Variants in IGF2BP3 observed in about 807,000 individuals in gnomAD.
The protein encoded by IGF2BP3 is insulin-like growth factor 2 mRNA-binding protein 3.
A neutral mutation model predicts 73.8 loss-of-function variants in IGF2BP3; 9 were observed. That is an observed-to-expected ratio of 0.12 (90% CI 0.07 to 0.21). The LOEUF (loss-of-function observed/expected upper bound fraction) is 0.21. Ranked by LOEUF, IGF2BP3 falls within the 10% of genes least tolerant of loss-of-function variation. IGF2BP3 has a pLI of 1.00. For missense variants in IGF2BP3, 542 were observed against 714.0 expected (o/e 0.76, Z 2.75); for synonymous variants, 258 against 256.7 (o/e 1.01, Z -0.05).
intron 12 of IGF2BP3, among the ~76,000 whole-genome samples, chr7:23,317,308 G>T (rs1268150323): frequency 1.3e-5 from 2 of 152,236 alleles, no homozygotes; most frequent in South Asian, 4.1e-4. Context: ...CTCAGGGACA[G>T]GAGGGAAAAC....
At chr7:23,319,798 T>C (rs1259470736) in intron 10 of IGF2BP3, among the ~76,000 whole-genome samples, 1 of 152,204 alleles carries the variant, frequency 6.6e-6, no homozygotes, top group East Asian at 1.9e-4. Flanking sequence ...TGTCATTCAA[T>C]AGTTATCACA....
intron 2 of IGF2BP3, among the ~76,000 whole-genome samples, chr7:23,433,652 T>TA (rs1056860548): frequency 2.0e-5 from 3 of 152,180 alleles, no homozygotes; most frequent in Admixed American, 6.6e-5. Flanking sequence ...GCCTTTGTTT[T>TA]ACTTAATGTG....
intron 2 of IGF2BP3, among the ~76,000 whole-genome samples, chr7:23,461,078 G>C (rs945033169): frequency 3.3e-5 from 5 of 151,968 alleles, no homozygotes; most frequent in African/African-American, 1.2e-4. Flanking sequence ...AGCAGAGCCA[G>C]GCCGAGATTT....
chr7:23,418,213 T>C (rs893811232), intron 3 of IGF2BP3, among the ~76,000 whole-genome samples: 2 of 152,102 alleles, frequency 1.3e-5, no homozygotes, highest in African/African-American at 4.8e-5. Flanking sequence ...GTCTGAAGAG[T>C]CAAAAGACAT....
At chr7:23,410,084 G>A (rs1445790377) in intron 3 of IGF2BP3, among the ~76,000 whole-genome samples, 7 of 152,016 alleles carry the variant, frequency 4.6e-5, no homozygotes, top group African/African-American at 1.5e-4. Flanking sequence ...CACGAGAATC[G>A]CTTGAACCCA....
chr7:23,445,508 T>C (rs1053403984), intron 2 of IGF2BP3, among the ~76,000 whole-genome samples: 7 of 151,806 alleles, frequency 4.6e-5, no homozygotes. Context: ...TTACTTAGTA[T>C]GACTAAGTAA....
At chr7:23,319,047 T>A (rs1583876499) in intron 11 of IGF2BP3, 91 bp downstream of exon 11, 1 of 860,826 alleles carries the variant, frequency 1.2e-6, no homozygotes, top group African/African-American at 1.7e-5. Context: ...CAGTGTCTTT[T>A]ACATTCTATT....
At chr7:23,356,961 C>G (rs147287611) in intron 5 of IGF2BP3, among the ~76,000 whole-genome samples, 1 of 152,106 alleles carries the variant, frequency 6.6e-6, no homozygotes, top group Non-Finnish European at 1.5e-5. Context: ...TATAAATACA[C>G]TGAATGAAAA....
intron 2 of IGF2BP3, chr7:23,431,136 G>A (rs1249156668): frequency 6.6e-6 from 1 of 152,186 alleles, no homozygotes; most frequent in Non-Finnish European, 1.5e-5. Context: ...AACATTAACA[G>A]AAGTAAGGAA....
Position 23,345,983 on chromosome 7 carries a change from T to A in IGF2BP3, c.898A>T (p.Lys300Ter), listed in dbSNP as rs1371233673. ...GTGTCTGTGTCTTGCTCAATTTTTT[T>A]AAGATTTCTTCCTTCTTTACCAATA... The part of the protein sequence containing the change: ...RLIGKEGRNL[K>*]KIEQDTDTKI... The change falls in exon 8 of 15, where the codon AAA (lysine) becomes TAA (stop). Residue 300 changes from lysine (K) to a stop codon, truncating the protein, a stop_gained. Transcript: ENST00000258729. LOFTEE classifies it high-confidence loss of function. 1 of 1,613,556 alleles carries A rather than the reference T, an allele frequency of 6.2e-7. No individual in the cohort carries two copies. The highest frequency in any genetic ancestry group is 8.5e-7 in the Non-Finnish European group (1 of 1,180,024).
rs1783844822 is a variant in IGF2BP3 at position 23,312,040 on chromosome 7, T to C, written c.*322A>G. ...GCCAATTTCTGGCATTATGGGGGAA[T>C]ATTAAGAAGAATTAGAATATCTGTT... is the stretch of plus-strand genomic sequence containing the variant. On this transcript the variant is annotated 3_prime_UTR_variant, in exon 15 of 15. Transcript: ENST00000258729. 1 of 241,112 alleles carries C rather than the reference T, an allele frequency of 4.1e-6. No homozygotes were observed. The highest frequency in any genetic ancestry group is 8.1e-5 in the East Asian group (1 of 12,388). 14.9% of individuals were successfully genotyped at this position (241,112 alleles called of 1,614,324 possible).
chr7:23,468,246 A>AT (rs933814658), intron 2 of IGF2BP3, among the ~76,000 whole-genome samples: 6 of 152,202 alleles, frequency 3.9e-5, no homozygotes, highest in African/African-American at 1.4e-4. Flanking sequence ...CTTTCGAGAG[A>AT]TTTTGTAACC....
At chr7:23,328,550 G>C (rs917166782) in intron 10 of IGF2BP3, among the ~76,000 whole-genome samples, 2 of 152,128 alleles carry the variant, frequency 1.3e-5, no homozygotes, top group East Asian at 3.8e-4. Context: ...AATAACAAAA[G>C]GGCTGGTTCT....
At chr7:23,333,223 A>C (rs1784485575) in intron 10 of IGF2BP3, among the ~76,000 whole-genome samples, 3 of 152,254 alleles carry the variant, frequency 2.0e-5, no homozygotes, top group African/African-American at 7.2e-5. Flanking sequence ...CCTCGCAGCT[A>C]ATTTTTTAAA....
At chr7:23,439,221 G>A (rs1382106759) in intron 2 of IGF2BP3, among the ~76,000 whole-genome samples, 2 of 151,938 alleles carry the variant, frequency 1.3e-5, no homozygotes, top group Non-Finnish European at 2.9e-5. Flanking sequence ...CCGGGCTGGG[G>A]ACAGAGACCT....
At position 23,434,227 on chromosome 7, in the gene IGF2BP3, C is replaced by T. The variant is rs532592565; in HGVS notation, c.237-15403G>A. 1.4e-3 allele frequency among the ~76,000 whole-genome samples: 206 copies of T among 151,934 alleles called. 9 individuals are homozygous for T. In the South Asian group the frequency reaches 0.042, roughly 31 times the overall value. On this transcript the variant is annotated intron_variant, in intron 2 of 14. Coordinates refer to ENST00000258729, the MANE Select transcript of IGF2BP3 (RefSeq NM_006547.3). The stretch of plus-strand genomic sequence containing the variant: ...TTTTAAAACCACTGTATTTTGAATA[C>T]GGGGTATGTCTACATTAACAGTTTT...
At chr7:23,397,794 C>G (rs1786524012) in intron 3 of IGF2BP3, among the ~76,000 whole-genome samples, 1 of 152,128 alleles carries the variant, frequency 6.6e-6, no homozygotes, top group African/African-American at 2.4e-5. Flanking sequence ...GAATAATGGT[C>G]CCAAATATAT....
rs182090863 is a variant in IGF2BP3, at chr7:23,377,786, G to A, written c.286-16045C>T. ...TTACCCAGCCATAAAAAGGAATGAAGTACCTACTAAAATCTGGCTGCACCT... is the reference window on the plus strand; with the variant it reads ...TTACCCAGCCATAAAAAGGAATGAAATACCTACTAAAATCTGGCTGCACCT... On this transcript the variant is annotated intron_variant, in intron 3 of 14. Transcript: ENST00000258729. Among the ~76,000 whole-genome samples, 23 of 152,318 alleles carry A rather than the reference G, an allele frequency of 1.5e-4. 1 individual carries two copies. The highest frequency in any genetic ancestry group is 9.2e-4 in the Admixed American group (14 of 15,298).
At chr7:23,388,991 A>T (rs1562719662) in intron 3 of IGF2BP3, among the ~76,000 whole-genome samples, 1 of 152,190 alleles carries the variant, frequency 6.6e-6, no homozygotes, top group East Asian at 1.9e-4. Flanking sequence ...CATCATAGGT[A>T]AATCTTAATG....
Sources: gnomAD v4.1 joint callset for allele counts (sites outside exome capture counted in the v4.1 genomes callset) on GRCh38, gnomAD v4.1.1 for gene constraint, MANE v1.5 for transcripts, NCBI Gene and HGNC (gene_info 2026-07-23, HGNC 2026-07-21) for gene names.